DCLK1: variants seen among roughly 807,000 people sequenced by gnomAD.
DCLK1 encodes the protein serine/threonine-protein kinase DCLK1.
In DCLK1, 16 loss-of-function variants were observed where a neutral mutation model predicts 86.2. That is an observed-to-expected ratio of 0.19 (90% CI 0.13 to 0.28). The LOEUF (loss-of-function observed/expected upper bound fraction) is 0.28, where lower values mean the gene tolerates loss of function less well. Ranked by LOEUF, DCLK1 falls within the 10% of genes least tolerant of loss-of-function variation. The probability of loss-of-function intolerance (pLI) is 1.00; values close to 1 mark genes in which losing one functional copy is unlikely to be tolerated. For missense variants in DCLK1, 590 were observed against 940.2 expected, an observed-to-expected ratio of 0.63 and a Z score of 4.87; for synonymous variants, 369 against 370.5, an observed-to-expected ratio of 1.00 and a Z score of 0.05.
intron 1 of DCLK1, among the ~76,000 whole-genome samples, 189 bp downstream of exon 1, chr13:36,130,925 C>T (rs939651724): frequency 2.0e-5 from 3 of 151,996 alleles, no homozygotes; most frequent in Admixed American, 2.0e-4. Flanking sequence ...GCACGCAACG[C>T]CCCCGGGTCG....
chr13:35,793,558 A>C, intron 15 of DCLK1, 79 bp from the exon 16 acceptor site: 1 of 1,088,132 alleles, frequency 9.2e-7, no homozygotes, highest in East Asian at 2.4e-5. Context: ...TCTTCTAGTC[A>C]CAGGCAGTGA....
chr13:35,981,965 T>G (rs1370423143), intron 3 of DCLK1, among the ~76,000 whole-genome samples: 1 of 152,216 alleles, frequency 6.6e-6, no homozygotes, highest in Non-Finnish European at 1.5e-5. Flanking sequence ...ATTTTCTGAT[T>G]ATTTTATGCT....
At chr13:36,101,327 G>A (rs979886178) in intron 3 of DCLK1, among the ~76,000 whole-genome samples, 3 of 152,206 alleles carry the variant, frequency 2.0e-5, no homozygotes, top group Non-Finnish European at 4.4e-5. Context: ...GCAGCCCACT[G>A]AGGCTAGATT....
chr13:35,931,141 A>T (rs1593743325), intron 4 of DCLK1, among the ~76,000 whole-genome samples: 1 of 152,174 alleles, frequency 6.6e-6, no homozygotes, highest in Non-Finnish European at 1.5e-5. Flanking sequence ...TTTTCATTTT[A>T]TCAGAGTTTC....
chr13:35,883,740 G>A (rs1260942812), intron 4 of DCLK1, among the ~76,000 whole-genome samples: 5 of 152,116 alleles, frequency 3.3e-5, no homozygotes, highest in Non-Finnish European at 7.4e-5. Context: ...TGATAGAAAC[G>A]GATAGAAAAC....
At chr13:35,817,867 C>T (rs2087305923) in intron 11 of DCLK1, among the ~76,000 whole-genome samples, 1 of 152,162 alleles carries the variant, frequency 6.6e-6, no homozygotes, top group Non-Finnish European at 1.5e-5. Flanking sequence ...GCAGTCAGGC[C>T]AAGTATTCCA....
At chr13:36,128,669 G>T (rs1566023889) in intron 1 of DCLK1, among the ~76,000 whole-genome samples, 1 of 152,176 alleles carries the variant, frequency 6.6e-6, no homozygotes, top group Admixed American at 6.5e-5. Flanking sequence ...TGAGTTCAGT[G>T]TACTTTTTTC....
Position 35,871,287 on chromosome 13 carries a change from T to G in DCLK1, c.877A>C (p.Arg293=). ...SYTKIASSSR[R]STTKSPGPSR... The stretch of plus-strand genomic sequence containing the variant: ...GGTCCTGGGCTCTTGGTGGTGCTCC[T>G]GCGGGATGATGAAGCTATTTTGGTG... The change falls in exon 5 of 17, where the codon AGG becomes CGG. Residue 293 remains arginine, a synonymous_variant. Coordinates refer to ENST00000360631, the MANE Select transcript of DCLK1 (RefSeq NM_001330071.2). 6.2e-7 allele frequency: 1 copy of G among 1,614,048 alleles called. No individual in the cohort carries two copies. Among genetic ancestry groups the G allele is most frequent in the Non-Finnish European group, 8.5e-7 (1 of 1,180,008 alleles).
chr13:35,822,337 T>G (rs1008853086), intron 11 of DCLK1, among the ~76,000 whole-genome samples: 10 of 152,268 alleles, frequency 6.6e-5, no homozygotes, highest in South Asian at 2.1e-4. Flanking sequence ...AAAATTTTTT[T>G]TGTGTAGAGA....
chr13:35,951,155 A>T (rs902417063), intron 3 of DCLK1, among the ~76,000 whole-genome samples: 3 of 151,766 alleles, frequency 2.0e-5, no homozygotes, highest in Non-Finnish European at 1.5e-5. Context: ...ATGCCTCAAA[A>T]TCTGACCCCA....
intron 4 of DCLK1, among the ~76,000 whole-genome samples, chr13:35,930,671 C>T (rs576195047): frequency 6.6e-6 from 1 of 151,908 alleles, no homozygotes; most frequent in African/African-American, 2.4e-5. Context: ...TAATTGGGAC[C>T]CCATTAGACT....
intron 5 of DCLK1, chr13:35,855,908 A>G (rs1288629973): frequency 2.1e-5 from 22 of 1,023,456 alleles, no homozygotes; most frequent in Non-Finnish European, 2.4e-5. Context: ...AATCGAAATG[A>G]CAATAACTCT....
chr13:35,898,497 T>C (rs1458793355), intron 4 of DCLK1, among the ~76,000 whole-genome samples: 1 of 152,210 alleles, frequency 6.6e-6, no homozygotes, highest in African/African-American at 2.4e-5. Flanking sequence ...TTGTAAATAA[T>C]GAGAATCAAA....
At chr13:35,950,809 T>G (rs954197466) in intron 3 of DCLK1, among the ~76,000 whole-genome samples, 2 of 151,998 alleles carry the variant, frequency 1.3e-5, no homozygotes, top group African/African-American at 4.8e-5. Flanking sequence ...CCCAGGAGAG[T>G]TGATGTTGTC....
chr13:35,824,361 G>C (rs983534999), intron 10 of DCLK1, among the ~76,000 whole-genome samples: 1 of 151,868 alleles, frequency 6.6e-6, no homozygotes, highest in African/African-American at 2.4e-5. Flanking sequence ...TATTTTTTTT[G>C]TAGAGATGAG....
chr13:36,127,625 T>C (rs1384451440), intron 1 of DCLK1, among the ~76,000 whole-genome samples: 1 of 152,226 alleles, frequency 6.6e-6, no homozygotes, highest in African/African-American at 2.4e-5. Context: ...ACTAATTTTT[T>C]TATTAATAAA....
chr13:35,964,464 A>G (rs990627215), intron 3 of DCLK1, among the ~76,000 whole-genome samples: 4 of 152,212 alleles, frequency 2.6e-5, no homozygotes, highest in African/African-American at 9.6e-5. Context: ...TTCCTTTCCT[A>G]CTTGGCAGGC....
Position 36,024,148 on chromosome 13 carries a change from C to T in DCLK1, c.724-76691G>A, listed in dbSNP as rs560889502. Among the ~76,000 whole-genome samples, 8 of 152,080 alleles carry T rather than the reference C, an allele frequency of 5.3e-5. No homozygotes were observed. In the East Asian group the frequency reaches 1.6e-3, roughly 30 times the overall value. The stretch of plus-strand genomic sequence containing the variant: ...TGACCTCGTGATCCACCCGCCTCTG[C>T]CTCCCAAAGTGCTGGGATTACAGGC... On this transcript the variant is annotated intron_variant, in intron 3 of 16. Coordinates refer to ENST00000360631, the MANE Select transcript of DCLK1 (RefSeq NM_001330071.2).
chr13:35,775,930 G>C (rs2086417294), intron 16 of DCLK1, among the ~76,000 whole-genome samples: 1 of 152,186 alleles, frequency 6.6e-6, no homozygotes, highest in Admixed American at 6.5e-5. Flanking sequence ...AAGAGATAAA[G>C]AGAGGCAGTG....
Sources: gnomAD v4.1 joint callset for allele counts (sites outside exome capture counted in the v4.1 genomes callset) on GRCh38, gnomAD v4.1.1 for gene constraint, MANE v1.5 for transcripts, NCBI Gene and HGNC (gene_info 2026-07-23, HGNC 2026-07-21) for gene names.